MFSD8: variants seen among roughly 807,000 people sequenced by gnomAD.
The protein encoded by MFSD8 is major facilitator superfamily domain containing 8.
In MFSD8, 55 loss-of-function variants were observed where a neutral mutation model predicts 66.4. That is an observed-to-expected ratio of 0.83 (90% CI 0.67 to 1.04). The LOEUF is 1.04. Ranked by LOEUF, MFSD8 falls within the 50% of genes least tolerant of loss-of-function variation. The pLI is 0.00. For missense variants in MFSD8, 550 were observed against 627.6 expected (o/e 0.88, Z 1.32); for synonymous variants, 202 against 212.8 (o/e 0.95, Z 0.44).
chr4:127,962,719 A>G (rs1744004083), intron 1 of MFSD8, among the ~76,000 whole-genome samples: 2 of 152,040 alleles, frequency 1.3e-5, no homozygotes, highest in East Asian at 3.9e-4. Context: ...TATAGAAGCA[A>G]ACAGTCCCAA....
intron 1 of MFSD8, among the ~76,000 whole-genome samples, chr4:127,962,938 G>A (rs1198197162): frequency 6.6e-6 from 1 of 152,120 alleles, no homozygotes; most frequent in Non-Finnish European, 1.5e-5. Context: ...GAACAAATGA[G>A]TAAAAATTAT....
chr4:127,940,867 G>A (rs1224960896), intron 5 of MFSD8, among the ~76,000 whole-genome samples: 3 of 152,008 alleles, frequency 2.0e-5, no homozygotes, highest in South Asian at 2.1e-4. Flanking sequence ...TGCACCTACC[G>A]TACTTAGAAC....
chr4:127,926,084 G>C (rs1737157096), intron 9 of MFSD8, among the ~76,000 whole-genome samples: 1 of 151,772 alleles, frequency 6.6e-6, no homozygotes, highest in Admixed American at 6.6e-5. Context: ...GGGGCCTATT[G>C]CGGGGTGGGG....
intron 2 of MFSD8, among the ~76,000 whole-genome samples, chr4:127,956,629 A>G (rs1004761853): frequency 6.6e-6 from 1 of 151,946 alleles, no homozygotes; most frequent in African/African-American, 2.4e-5. Flanking sequence ...GACCAGCCTG[A>G]CCAACATGGA....
upstream of MFSD8, chr4:127,965,411 G>T (rs1744942291): frequency 1.8e-6 from 1 of 569,330 alleles, no homozygotes; most frequent in East Asian, 2.9e-5. Flanking sequence ...TGTCCAAACT[G>T]CCGCGCCGCC....
intron 9 of MFSD8, among the ~76,000 whole-genome samples, chr4:127,922,998 T>C (rs1255049898): frequency 6.6e-6 from 1 of 152,194 alleles, no homozygotes; most frequent in Non-Finnish European, 1.5e-5. Flanking sequence ...TGCCAAAAAA[T>C]TGAACCCAAA....
chr4:127,941,555 G>A (rs1740198560), intron 5 of MFSD8, among the ~76,000 whole-genome samples: 5 of 152,020 alleles, frequency 3.3e-5, no homozygotes, highest in South Asian at 4.1e-4. Flanking sequence ...CTCTGCCTCC[G>A]AGTTCAAGCG....
chr4:127,962,564 T>A (rs924744055), intron 1 of MFSD8, among the ~76,000 whole-genome samples: 3 of 151,502 alleles, frequency 2.0e-5, no homozygotes, highest in African/African-American at 7.3e-5. Flanking sequence ...AAAATTCATA[T>A]CAGCATCGAT....
At chr4:127,955,644 C>T (rs1039470976) in intron 2 of MFSD8, among the ~76,000 whole-genome samples, 2 of 151,768 alleles carry the variant, frequency 1.3e-5, no homozygotes, top group Admixed American at 6.6e-5. Flanking sequence ...CTGAAGGCAA[C>T]CGAGAAATAG....
rs1241057116 is a variant in MFSD8, at chr4:127,938,812, C to T, written c.725G>A (p.Arg242Lys). 1 of 1,610,482 alleles carries T rather than the reference C, an allele frequency of 6.2e-7. No individual in the cohort carries two copies. The highest frequency in any genetic ancestry group is 8.5e-7 in the Non-Finnish European group (1 of 1,177,712). The change falls in exon 7 of 12, where the codon AGA becomes AAA. Residue 242 changes from arginine (R) to lysine (K), a missense_variant. By Grantham distance (26) the Arg-to-Lys change is conservative (BLOSUM62 2). Transcript: ENST00000641686. Reference protein sequence around the residue: ...LREHRVDDSGRQCKSINFEEA... With the variant: ...LREHRVDDSGKQCKSINFEEA... ...TTCAAAATTAATACTTTTACACTGT[C>T]TTCCTGAGTCATCCACACGATGTTC...
At chr4:127,943,708 T>C (rs749660600) in intron 4 of MFSD8, 44 bp downstream of exon 4, 4 of 1,613,192 alleles carry the variant, frequency 2.5e-6, no homozygotes, top group Non-Finnish European at 3.4e-6. Context: ...AATGTCAGAA[T>C]GAATGTGAAT....
intron 2 of MFSD8, among the ~76,000 whole-genome samples, chr4:127,953,708 C>T (rs1008596812): frequency 6.6e-6 from 1 of 151,816 alleles, no homozygotes; most frequent in Admixed American, 6.6e-5. Context: ...TGGTCGCAAA[C>T]TCCTGACCTC....
intron 2 of MFSD8, among the ~76,000 whole-genome samples, chr4:127,956,818 CAA>C (rs550327079): frequency 2.1e-4 from 12 of 58,038 alleles, no homozygotes; most frequent in Middle Eastern, 9.6e-3. Context: ...AACTCCGTCT[CAA>C]AAAAAAAAAA....
Position 127,942,825 on chromosome 4 carries a change from C to T in MFSD8, c.440-667G>A, listed in dbSNP as rs1740422813. Among the ~76,000 whole-genome samples the T allele has an allele frequency of 2.0e-5, 3 of 152,206 alleles. No homozygotes were observed. The South Asian group carries it at 6.2e-4, about 32-fold the overall frequency. On this transcript the variant is annotated intron_variant, in intron 4 of 11. Transcript: ENST00000641686. ...AATATAAGAAACAGAAAAAAATGCA[C>T]TAACAATTTTACTGAAAATTTTCAT...
chr4:127,939,765 T>G, intron 6 of MFSD8, 88 bp downstream of exon 6: 3 of 1,448,736 alleles, frequency 2.1e-6, no homozygotes, highest in South Asian at 2.4e-5. Context: ...CTACGTACAC[T>G]TCATAAGGAT....
intron 5 of MFSD8, among the ~76,000 whole-genome samples, chr4:127,940,679 T>G (rs934054143): frequency 2.7e-5 from 4 of 150,628 alleles, no homozygotes; most frequent in Admixed American, 1.3e-4. Flanking sequence ...TAAACATTAG[T>G]TAGAAGTGTT....
chr4:127,932,166 C>T (rs1425382021), intron 8 of MFSD8, among the ~76,000 whole-genome samples: 1 of 152,088 alleles, frequency 6.6e-6, no homozygotes, highest in Non-Finnish European at 1.5e-5. Context: ...TATTTTCCCA[C>T]AATAAAAAAT....
chr4:127,944,401 A>AT (rs957277136), intron 3 of MFSD8, among the ~76,000 whole-genome samples: 29 of 152,156 alleles, frequency 1.9e-4, no homozygotes, highest in South Asian at 8.3e-4. Context: ...GCTGTAAATC[A>AT]TTTTTTTTAA....
chr4:127,963,055 T>C (rs1744061005), intron 1 of MFSD8, among the ~76,000 whole-genome samples: 1 of 152,228 alleles, frequency 6.6e-6, no homozygotes, highest in African/African-American at 2.4e-5. Context: ...AAGGTAAAAA[T>C]ACATTAGGTA....
Sources: allele counts gnomAD v4.1 joint callset (sites outside exome capture counted in the v4.1 genomes callset), GRCh38; gene constraint gnomAD v4.1.1; transcripts MANE v1.5; gene names NCBI Gene and HGNC (gene_info 2026-07-23, HGNC 2026-07-21).